Variants in DNER observed in about 807,000 individuals in gnomAD.
The protein encoded by DNER is delta/notch like EGF repeat containing.
A neutral mutation model predicts 78.2 loss-of-function variants in DNER; 33 were observed. That is an observed-to-expected ratio of 0.42 (90% CI 0.32 to 0.56). The LOEUF (loss-of-function observed/expected upper bound fraction) is 0.56. DNER is among the 20% of genes least tolerant of loss of function. The pLI, the probability that DNER is intolerant of heterozygous loss-of-function variation, is 0.11. For missense variants in DNER, 918 were observed against 975.3 expected (o/e 0.94, Z 0.78); for synonymous variants, 417 against 384.8 (o/e 1.08, Z -0.98).
At chr2:229,396,626 G>A (rs1044446330) in intron 10 of DNER, among the ~76,000 whole-genome samples, 1 of 152,202 alleles carries the variant, frequency 6.6e-6, no homozygotes, top group Admixed American at 6.5e-5. Context: ...TTAACTCTGG[G>A]GGAGATGGTT....
chr2:229,624,133 A>T (rs1347411870), intron 1 of DNER, among the ~76,000 whole-genome samples: 1 of 152,230 alleles, frequency 6.6e-6, no homozygotes. Context: ...CAGACACAAC[A>T]GAAAGCTGGG....
At chr2:229,526,757 C>T (rs1014628963) in intron 5 of DNER, among the ~76,000 whole-genome samples, 1 of 152,210 alleles carries the variant, frequency 6.6e-6, no homozygotes, top group Non-Finnish European at 1.5e-5. Context: ...TGGGCAGGTA[C>T]CAGTCTGTGG....
intron 11 of DNER, among the ~76,000 whole-genome samples, chr2:229,374,155 G>GTCTTAA (rs1056986209): frequency 6.6e-6 from 1 of 151,834 alleles, no homozygotes; most frequent in Non-Finnish European, 1.5e-5. Context: ...GTGAGACCCT[G>GTCTTAA]TCTTAAAAAA....
intron 9 of DNER, among the ~76,000 whole-genome samples, chr2:229,415,928 C>T (rs1002784494): frequency 6.6e-6 from 1 of 152,198 alleles, no homozygotes; most frequent in Non-Finnish European, 1.5e-5. Context: ...AAAAAATTCT[C>T]TTTATCCTTG....
At chr2:229,678,811 CATA>C (rs1326160484) in intron 1 of DNER, among the ~76,000 whole-genome samples, 1 of 152,164 alleles carries the variant, frequency 6.6e-6, no homozygotes, top group Non-Finnish European at 1.5e-5. Context: ...ATAAGGAAGT[CATA>C]ATAAAAGGGG....
intron 10 of DNER, among the ~76,000 whole-genome samples, chr2:229,405,950 T>C (rs1417833709): frequency 6.6e-6 from 1 of 152,230 alleles, no homozygotes; most frequent in African/African-American, 2.4e-5. Flanking sequence ...TATAAATGTC[T>C]GCGTGTGTTT....
intron 1 of DNER, among the ~76,000 whole-genome samples, chr2:229,656,743 C>T (rs1260138673): frequency 3.0e-4 from 46 of 152,122 alleles, no homozygotes; most frequent in Admixed American, 3.0e-3. Context: ...TTAATTTCAG[C>T]AAATGTGTTT....
At chr2:229,436,829 G>T (rs756623217) in intron 8 of DNER, among the ~76,000 whole-genome samples, 4 of 152,136 alleles carry the variant, frequency 2.6e-5, no homozygotes, top group Non-Finnish European at 5.9e-5. Flanking sequence ...ACCATTACCG[G>T]CCACTACAAA....
chr2:229,368,843 A>G (rs1368440025), intron 11 of DNER, among the ~76,000 whole-genome samples: 1 of 152,228 alleles, frequency 6.6e-6, no homozygotes, highest in African/African-American at 2.4e-5. Flanking sequence ...CATACTAACA[A>G]CAGTGATCTC....
chr2:229,590,718 ACT>A (rs985986324), intron 2 of DNER, among the ~76,000 whole-genome samples: 29 of 152,124 alleles, frequency 1.9e-4, no homozygotes, highest in Non-Finnish European at 3.8e-4. Context: ...CCCTCACCAG[ACT>A]CTGAATCTGC....
chr2:229,644,729 A>G (rs542923589), intron 1 of DNER, among the ~76,000 whole-genome samples: 1 of 152,318 alleles, frequency 6.6e-6, no homozygotes, highest in Admixed American at 6.5e-5. Flanking sequence ...CATCCTGACA[A>G]TTAAGAGAAG....
intron 8 of DNER, among the ~76,000 whole-genome samples, chr2:229,447,086 A>AT (rs926416886): frequency 3.9e-5 from 6 of 152,142 alleles, no homozygotes; most frequent in African/African-American, 9.7e-5. Flanking sequence ...ATGAAAGAGT[A>AT]TTTTTTTAAC....
chr2:229,625,876 A>G (rs867796280), intron 1 of DNER, among the ~76,000 whole-genome samples: 7 of 150,464 alleles, frequency 4.7e-5, no homozygotes, highest in Non-Finnish European at 8.9e-5. Context: ...ACTGTCTACT[A>G]TGCAACTTTG....
intron 10 of DNER, among the ~76,000 whole-genome samples, chr2:229,388,840 T>C (rs189461558): frequency 6.6e-6 from 1 of 152,048 alleles, no homozygotes; most frequent in Admixed American, 6.6e-5. Context: ...TCGTTATTTT[T>C]CTGAAACTCC....
At chr2:229,687,784 C>T (rs1049699003) in intron 1 of DNER, among the ~76,000 whole-genome samples, 2 of 152,120 alleles carry the variant, frequency 1.3e-5, no homozygotes, top group African/African-American at 4.8e-5. Context: ...TCTGTAGCTG[C>T]CAAATTTAGA....
intron 7 of DNER, among the ~76,000 whole-genome samples, chr2:229,476,551 T>C (rs1445702101): frequency 3.9e-5 from 6 of 152,150 alleles, no homozygotes; most frequent in Non-Finnish European, 7.4e-5. Context: ...AAATTAACAA[T>C]TGAAAATAAT....
chr2:229,369,948 T>C (rs1424407126), intron 11 of DNER, among the ~76,000 whole-genome samples: 1 of 152,112 alleles, frequency 6.6e-6, no homozygotes, highest in Admixed American at 6.5e-5. Context: ...AGGACATCAT[T>C]TTCATGGTAG....
At chr2:229,479,855 G>C (rs1695118764) in intron 6 of DNER, among the ~76,000 whole-genome samples, 1 of 152,108 alleles carries the variant, frequency 6.6e-6, no homozygotes, top group African/African-American at 2.4e-5. Context: ...CTACAATATG[G>C]CTAGAAAAGT....
chr2:229,513,077 G>C (rs566849387), intron 5 of DNER, 141 bp from the exon 6 acceptor site: 29 of 952,212 alleles, frequency 3.0e-5, no homozygotes, highest in Non-Finnish European at 3.6e-5. Flanking sequence ...TAATCTAGTT[G>C]AAATCATCGC....
Sources: gnomAD v4.1 joint callset for allele counts (sites outside exome capture counted in the v4.1 genomes callset) on GRCh38, gnomAD v4.1.1 for gene constraint, MANE v1.5 for transcripts, NCBI Gene and HGNC (gene_info 2026-07-23, HGNC 2026-07-21) for gene names.